Variants in TRIQK observed in about 807,000 individuals in gnomAD.
The protein encoded by TRIQK is triple QxxK/R motif containing.
A neutral mutation model predicts 10.8 loss-of-function variants in TRIQK; 10 were observed. That is an observed-to-expected ratio of 0.92 (90% CI 0.57 to 1.57). The LOEUF is 1.57. TRIQK is among the 40% of genes most tolerant of loss of function. The pLI, the probability that TRIQK is intolerant of heterozygous loss-of-function variation, is 0.00. For synonymous variants in TRIQK, 33 were observed against 33.7 expected (o/e 0.98, Z 0.07); for missense variants, 107 against 97.7 (o/e 1.09, Z -0.40).
chr8:92,963,607 AT>A (rs950247555), intron 1 of TRIQK: 3 of 152,154 alleles, frequency 2.0e-5, no homozygotes, highest in African/African-American at 7.2e-5. Flanking sequence ...CAAAAGTACA[AT>A]TTTGGCCAGA....
At chr8:92,985,276 CAGAG>C (rs1176015374) in intron 1 of TRIQK, among the ~76,000 whole-genome samples, 10 of 152,232 alleles carry the variant, frequency 6.6e-5, no homozygotes, top group African/African-American at 2.4e-4. Flanking sequence ...GCACAAAACA[CAGAG>C]AGAGAAGAAG....
At chr8:92,936,684 T>C (rs1316346506) in intron 2 of TRIQK, among the ~76,000 whole-genome samples, 2 of 151,036 alleles carry the variant, frequency 1.3e-5, no homozygotes, top group Non-Finnish European at 3.0e-5. Flanking sequence ...GCATAGGGGA[T>C]TGGAAAGGAA....
At chr8:92,997,808 A>C (rs1813167805) in intron 1 of TRIQK, among the ~76,000 whole-genome samples, 1 of 152,038 alleles carries the variant, frequency 6.6e-6, no homozygotes, top group Non-Finnish European at 1.5e-5. Context: ...CTGACTTAAC[A>C]CCTTTGGGCT....
chr8:92,901,724 G>T (rs1040217182), intron 3 of TRIQK, among the ~76,000 whole-genome samples: 1 of 151,956 alleles, frequency 6.6e-6, no homozygotes, highest in African/African-American at 2.4e-5. Flanking sequence ...ATGTGTTCTT[G>T]TCTGTTTTTG....
At chr8:92,962,028 TTTA>T (rs1381628087) in intron 1 of TRIQK, among the ~76,000 whole-genome samples, 1 of 152,202 alleles carries the variant, frequency 6.6e-6, no homozygotes, top group Non-Finnish European at 1.5e-5. Context: ...GTAGGAATCA[TTTA>T]TTTTTCATGG....
intron 3 of TRIQK, among the ~76,000 whole-genome samples, chr8:92,897,014 G>T (rs116614735): frequency 2.6e-5 from 4 of 151,724 alleles, no homozygotes; most frequent in African/African-American, 7.3e-5. Flanking sequence ...ATGGGGTTTC[G>T]CAATACTGGC....
intron 1 of TRIQK, among the ~76,000 whole-genome samples, chr8:93,003,226 G>T (rs1440622996): frequency 6.6e-6 from 1 of 151,802 alleles, no homozygotes; most frequent in Non-Finnish European, 1.5e-5. Context: ...TGTACAGGAG[G>T]CATGGCTGGG....
rs1586351638 is a variant in TRIQK, at chr8:92,883,830, C to T, written c.*2792G>A. 1 of 151,824 alleles carries T rather than the reference C, an allele frequency of 6.6e-6. No homozygotes were observed. Among genetic ancestry groups the T allele is most frequent in the Non-Finnish European group, 1.5e-5 (1 of 67,788 alleles). The allele number at this position is 151,824 out of a possible 1,614,324, so 9.4% of individuals were successfully genotyped here. On this transcript the variant is annotated 3_prime_UTR_variant, in exon 5 of 5. Coordinates refer to ENST00000521988, the MANE Select transcript of TRIQK (RefSeq NM_001171797.2). ...TACCTTAAAACAACTACCCACCCTA[C>T]ATTTGTACTAAAATAGGCTTTTGCT...
chr8:93,005,252 C>A (rs985521573), intron 1 of TRIQK, among the ~76,000 whole-genome samples: 3 of 152,170 alleles, frequency 2.0e-5, no homozygotes, highest in Admixed American at 6.5e-5. Context: ...GAAGAGGAAG[C>A]AAGCACATTT....
intron 1 of TRIQK, chr8:92,973,939 A>G (rs775781443): frequency 1.3e-5 from 2 of 152,628 alleles, no homozygotes; most frequent in African/African-American, 2.4e-5. Flanking sequence ...TGCTTCCTCC[A>G]TATCCTGCTG....
chr8:92,951,713 T>G (rs931228192), intron 2 of TRIQK, among the ~76,000 whole-genome samples: 5 of 152,080 alleles, frequency 3.3e-5, no homozygotes, highest in Middle Eastern at 3.2e-3. Context: ...CTGTCATTCT[T>G]AACAAGATCT....
rs556966230 is a variant in TRIQK at position 92,883,692 on chromosome 8, A to G, written c.*2930T>C. On this transcript the variant is annotated 3_prime_UTR_variant, in exon 5 of 5. Coordinates refer to ENST00000521988, the MANE Select transcript of TRIQK (RefSeq NM_001171797.2). ...TGCAGATGACTACACTACTGCAATTACAGAAATGAGTAAGAACATACTCTC... is the reference window on the plus strand; with the variant it reads ...TGCAGATGACTACACTACTGCAATTGCAGAAATGAGTAAGAACATACTCTC... 2 of 151,894 alleles carry G rather than the reference A, an allele frequency of 1.3e-5. No individual in the cohort carries two copies. The highest frequency in any genetic ancestry group is 4.1e-4 in the South Asian group (2 of 4,834). The allele number at this position is 151,894 out of a possible 1,614,324, so 9.4% of individuals were successfully genotyped here.
At chr8:92,916,123 T>A (rs558298249) in intron 3 of TRIQK, among the ~76,000 whole-genome samples, 1 of 152,176 alleles carries the variant, frequency 6.6e-6, no homozygotes, top group Non-Finnish European at 1.5e-5. Flanking sequence ...CCTTTTTGCT[T>A]CTAACTAATT....
intron 1 of TRIQK, among the ~76,000 whole-genome samples, chr8:92,987,341 C>T (rs1173949894): frequency 6.6e-6 from 1 of 152,084 alleles, no homozygotes; most frequent in Non-Finnish European, 1.5e-5. Flanking sequence ...TCTAGATTCT[C>T]CAAAGAATGT....
intron 1 of TRIQK, among the ~76,000 whole-genome samples, chr8:92,962,186 C>G (rs1293967855): frequency 2.0e-5 from 3 of 152,072 alleles, no homozygotes; most frequent in African/African-American, 7.2e-5. Context: ...TTGAGAATAT[C>G]AAATATGATC....
chr8:92,903,929 G>A (rs1809099941), intron 3 of TRIQK, among the ~76,000 whole-genome samples: 1 of 152,028 alleles, frequency 6.6e-6, no homozygotes, highest in Non-Finnish European at 1.5e-5. Context: ...AGTTGGCAAT[G>A]GGCAGACAAT....
At chr8:92,934,664 A>C (rs1810895132) in intron 2 of TRIQK, among the ~76,000 whole-genome samples, 1 of 151,930 alleles carries the variant, frequency 6.6e-6, no homozygotes, top group Non-Finnish European at 1.5e-5. Context: ...ATTATATCGA[A>C]GTCCCAGGTG....
intron 2 of TRIQK, among the ~76,000 whole-genome samples, chr8:92,937,253 G>A (rs1586458051): frequency 6.6e-6 from 1 of 151,560 alleles, no homozygotes; most frequent in African/African-American, 2.4e-5. Flanking sequence ...CTTAAAACAT[G>A]AAAAATCAAT....
At chr8:92,967,125 A>G (rs980745436), upstream of TRIQK, among the ~76,000 whole-genome samples, 1 of 152,098 alleles carries the variant, frequency 6.6e-6, no homozygotes, top group African/African-American at 2.4e-5. Context: ...TCTGGTCTCC[A>G]GTTCCTCTCC....
Sources: allele counts gnomAD v4.1 joint callset (sites outside exome capture counted in the v4.1 genomes callset), GRCh38; gene constraint gnomAD v4.1.1; transcripts MANE v1.5; gene names NCBI Gene and HGNC (gene_info 2026-07-23, HGNC 2026-07-21).